Variants in SEPTIN7 observed in about 807,000 individuals in gnomAD.
The protein encoded by SEPTIN7 is septin-7.
SEPTIN7 carries 10 observed loss-of-function variants against 63.3 expected under a neutral mutation model. The observed-to-expected ratio is 0.16, with a 90% CI of 0.10 to 0.27. The LOEUF (loss-of-function observed/expected upper bound fraction) is 0.27. Among genes scored for constraint, SEPTIN7 ranks in the 10% least tolerant of loss-of-function variants. The pLI is 1.00. For missense variants in SEPTIN7, 310 were observed against 521.0 expected (o/e 0.59, Z 3.94); for synonymous variants, 131 against 165.3 (o/e 0.79, Z 1.59).
At position 35,905,956 on chromosome 7, in the gene SEPTIN7, TA is replaced by T. The variant is rs369739770; in HGVS notation, c.*1667del. Reference sequence around the variant, plus strand: ...GAAATGTTTTACCCTATTTACTTTTTAAAATTAATGACCTAAGCGGAGGGAA... The same window carrying T: ...GAAATGTTTTACCCTATTTACTTTTTAAATTAATGACCTAAGCGGAGGGAA... On this transcript the variant is annotated 3_prime_UTR_variant, in exon 14 of 14. Transcript: ENST00000350320. The T allele has an allele frequency of 2.6e-5, 4 of 152,348 alleles. No individual in the cohort carries two copies. The highest frequency in any genetic ancestry group is 7.2e-5 in the African/African-American group (3 of 41,586). 9.4% of individuals were successfully genotyped at this position (152,348 alleles called of 1,614,324 possible).
intron 11 of SEPTIN7, among the ~76,000 whole-genome samples, chr7:35,896,533 C>G (rs751210644): frequency 6.6e-6 from 1 of 152,152 alleles, no homozygotes; most frequent in African/African-American, 2.4e-5. Flanking sequence ...GTCATTGACA[C>G]TGTGTGTGCT....
downstream of SEPTIN7, among the ~76,000 whole-genome samples, chr7:35,912,090 G>A (rs1004317879): frequency 6.6e-6 from 1 of 152,138 alleles, no homozygotes; most frequent in Admixed American, 6.5e-5. Flanking sequence ...TGCTTTTATC[G>A]ATTTGCAAAT....
At chr7:35,850,856 A>G (rs1469333618) in intron 3 of SEPTIN7, among the ~76,000 whole-genome samples, 2 of 152,152 alleles carry the variant, frequency 1.3e-5, no homozygotes, top group Non-Finnish European at 2.9e-5. Context: ...CACTTATAAA[A>G]TGTCAGGTAC....
In SEPTIN7 at chr7:35,844,031, A is replaced by G. The variant is rs186344240; in HGVS notation, c.169+11131A>G. 2.7e-3 allele frequency among the ~76,000 whole-genome samples: 405 copies of G among 152,336 alleles called. 2 individuals carry two copies. Among genetic ancestry groups the G allele is most frequent in the African/African-American group, 9.3e-3 (388 of 41,586 alleles). ...AATAACATAAAGGATGAGCTCTTTC[A>G]TAGCATGCTTGTCCTGGTTCAGAGG... On this transcript the variant is annotated intron_variant, in intron 3 of 13. Transcript: ENST00000350320.
chr7:35,871,460 C>T (rs939421913), intron 4 of SEPTIN7, among the ~76,000 whole-genome samples: 1 of 152,164 alleles, frequency 6.6e-6, no homozygotes, highest in Non-Finnish European at 1.5e-5. Flanking sequence ...TAAGTAGCCA[C>T]ATGGACAAGT....
At chr7:35,842,673 A>G (rs1373903434) in intron 3 of SEPTIN7, among the ~76,000 whole-genome samples, 2 of 152,344 alleles carry the variant, frequency 1.3e-5, no homozygotes, top group East Asian at 3.9e-4. Flanking sequence ...TTAGAAGTGT[A>G]CGTCATTATT....
At chr7:35,818,056 A>G (rs1789191760) in intron 1 of SEPTIN7, among the ~76,000 whole-genome samples, 1 of 151,934 alleles carries the variant, frequency 6.6e-6, no homozygotes, top group Admixed American at 6.6e-5. Context: ...AATGATAGAC[A>G]TCTTTGTCTT....
intron 3 of SEPTIN7, among the ~76,000 whole-genome samples, chr7:35,846,317 CCA>C (rs963166909): frequency 1.3e-5 from 2 of 152,126 alleles, no homozygotes; most frequent in Admixed American, 6.5e-5. Flanking sequence ...CCCTCTGCCA[CCA>C]CACACACACT....
At chr7:35,804,914 G>A (rs1413155242) in intron 1 of SEPTIN7, among the ~76,000 whole-genome samples, 1 of 141,160 alleles carries the variant, frequency 7.1e-6, no homozygotes, top group Non-Finnish European at 1.5e-5. Flanking sequence ...TTGGCTCACC[G>A]CAACCTCTGT....
chr7:35,886,024 G>A, intron 10 of SEPTIN7, 145 bp downstream of exon 10: 1 of 606,656 alleles, frequency 1.6e-6, no homozygotes, highest in Admixed American at 3.2e-5. Flanking sequence ...ACATATAGAT[G>A]ATTCTTTCTC....
chr7:35,803,078 TGTTAA>T (rs1323117420), intron 1 of SEPTIN7: 14 of 659,462 alleles, frequency 2.1e-5, no homozygotes, highest in Non-Finnish European at 2.4e-5. Flanking sequence ...ATAACAGAAA[TGTTAA>T]GTTGATTTTA....
In SEPTIN7 at chr7:35,905,064, C is replaced by T. The variant is rs750673615; in HGVS notation, c.*771C>T. On this transcript the variant is annotated 3_prime_UTR_variant, in exon 14 of 14. Transcript: ENST00000350320. ...AAACTTTCCTTTAACTCCCTTTTTA[C>T]ACTTTATGGTAAGTAGCAGGGGGGG... The T allele has an allele frequency of 6.6e-6, 1 of 152,572 alleles. No individual in the cohort carries two copies. The highest frequency in any genetic ancestry group is 1.5e-5 in the Non-Finnish European group (1 of 68,014). The allele number at this position is 152,572 out of a possible 1,614,324, so 9.5% of individuals were successfully genotyped here.
chr7:35,891,180 C>G (rs1001517032), intron 11 of SEPTIN7, among the ~76,000 whole-genome samples: 3 of 152,120 alleles, frequency 2.0e-5, no homozygotes, highest in African/African-American at 7.2e-5. Flanking sequence ...GCTTATATCT[C>G]AAGCTGTGGT....
At chr7:35,844,078 AGTAATTAAGTTTAT>A (rs1413398345) in intron 3 of SEPTIN7, among the ~76,000 whole-genome samples, 1 of 152,218 alleles carries the variant, frequency 6.6e-6, no homozygotes, top group African/African-American at 2.4e-5. Flanking sequence ...TTGAATGATT[AGTAATTAAGTTTAT>A]GTACATCAGC....
Position 35,907,087 on chromosome 7 carries a change from A to G in SEPTIN7, c.*2794A>G, listed in dbSNP as rs114802317. ...ATGGAACAAAATTTGAAAGAGTGAA[A>G]TAAAAGGTTTACACTTTCCCCAAGC... On this transcript the variant is annotated 3_prime_UTR_variant, in exon 14 of 14. Coordinates refer to ENST00000350320, the MANE Select transcript of SEPTIN7 (RefSeq NM_001788.6). The G allele has an allele frequency of 4.6e-5, 7 of 152,360 alleles. No homozygotes were observed. Among genetic ancestry groups the G allele is most frequent in the Non-Finnish European group, 8.8e-5 (6 of 68,044 alleles). The allele number at this position is 152,360 out of a possible 1,614,324, so 9.4% of individuals were successfully genotyped here.
At chr7:35,809,809 G>A (rs1046496321) in intron 1 of SEPTIN7, among the ~76,000 whole-genome samples, 1 of 152,214 alleles carries the variant, frequency 6.6e-6, no homozygotes, top group Non-Finnish European at 1.5e-5. Context: ...GTAATCGTAA[G>A]AATCGTGATG....
intron 1 of SEPTIN7, among the ~76,000 whole-genome samples, chr7:35,816,729 G>T (rs2893514): frequency 0.33 from 49,519 of 151,934 alleles, 8,299 homozygotes; most frequent in East Asian, 0.41. Context: ...CCACATTCTT[G>T]TCCATACTTG....
intron 1 of SEPTIN7, among the ~76,000 whole-genome samples, chr7:35,813,223 A>C (rs1284244510): frequency 6.6e-6 from 1 of 152,210 alleles, no homozygotes; most frequent in African/African-American, 2.4e-5. Context: ...TACAGCAGAT[A>C]CTGGAATTCA....
intron 10 of SEPTIN7, among the ~76,000 whole-genome samples, chr7:35,888,114 A>C (rs79018006): frequency 6.6e-6 from 1 of 152,190 alleles, no homozygotes; most frequent in Non-Finnish European, 1.5e-5. Context: ...CAGAAATCAA[A>C]TGGGGAAAGA....
Sources: gnomAD v4.1 joint callset for allele counts (sites outside exome capture counted in the v4.1 genomes callset) on GRCh38, gnomAD v4.1.1 for gene constraint, MANE v1.5 for transcripts, NCBI Gene and HGNC (gene_info 2026-07-23, HGNC 2026-07-21) for gene names.